LARGE1: variants seen among roughly 807,000 people sequenced by gnomAD.
The protein encoded by LARGE1 is LARGE xylosyl- and glucuronyltransferase 1, also known as xylosyl- and glucuronyltransferase LARGE1.
Under a neutral mutation model 87.6 loss-of-function variants are expected in LARGE1, and 43 were observed. The ratio of observed to expected loss-of-function variants is 0.49; its 90% CI spans 0.38 to 0.63. LARGE1 has a LOEUF of 0.63. Ranked by LOEUF, LARGE1 falls within the 30% of genes least tolerant of loss-of-function variation. The pLI is 0.00. For missense variants in LARGE1, 802 were observed against 1,000.2 expected, an observed-to-expected ratio of 0.80 and a Z score of 2.67; for synonymous variants, 434 against 394.6, an observed-to-expected ratio of 1.10 and a Z score of -1.18.
At chr22:33,405,382 C>T (rs967909957) in intron 7 of LARGE1, among the ~76,000 whole-genome samples, 1 of 152,202 alleles carries the variant, frequency 6.6e-6, no homozygotes, top group Non-Finnish European at 1.5e-5. Flanking sequence ...CATTCTTGTT[C>T]TCTGGCCAAG....
exon 12 of LARGE1, chr22:33,166,785 G>A (rs1327830906): frequency 2.1e-6 from 1 of 471,590 alleles, no homozygotes; most frequent in South Asian, 1.5e-5. Flanking sequence ...GTTTGGAACT[G>A]TCGTCTTGCA....
intron 7 of LARGE1, among the ~76,000 whole-genome samples, chr22:33,388,403 T>C (rs1204468609): frequency 1.3e-5 from 2 of 152,238 alleles, no homozygotes; most frequent in African/African-American, 2.4e-5. Context: ...TCTCTTACAG[T>C]CAGCCATTAC....
At chr22:33,455,613 G>A (rs373878740) in intron 6 of LARGE1, among the ~76,000 whole-genome samples, 1 of 152,008 alleles carries the variant, frequency 6.6e-6, no homozygotes, top group East Asian at 1.9e-4. Flanking sequence ...AATTAGCCGG[G>A]CATGGTGGTG....
intron 9 of LARGE1, among the ~76,000 whole-genome samples, chr22:33,363,488 G>T (rs1423746634): frequency 6.7e-6 from 1 of 149,088 alleles, no homozygotes; most frequent in Non-Finnish European, 1.5e-5. Context: ...AACAGTATGG[G>T]GAAAATCACC....
chr22:33,200,918 A>G (rs997332921), intron 11 of LARGE1, among the ~76,000 whole-genome samples: 3 of 152,194 alleles, frequency 2.0e-5, no homozygotes, highest in African/African-American at 7.2e-5. Context: ...AATATCCTAA[A>G]AAATCACTGA....
chr22:33,199,235 C>T (rs137441), intron 11 of LARGE1, among the ~76,000 whole-genome samples: 50,792 of 150,908 alleles, frequency 0.34, 8,955 homozygotes, highest in Non-Finnish European at 0.39. Context: ...GTTGTTTGAG[C>T]TCCTTGTAGA....
chr22:33,597,085 G>A (rs1334194656), intron 5 of LARGE1, among the ~76,000 whole-genome samples: 1 of 152,088 alleles, frequency 6.6e-6, no homozygotes, highest in Non-Finnish European at 1.5e-5. Flanking sequence ...CACTGGAGCT[G>A]CTCCAGCCTT....
At chr22:33,691,605 G>A (rs577909320) in intron 2 of LARGE1, among the ~76,000 whole-genome samples, 19 of 152,230 alleles carry the variant, frequency 1.2e-4, no homozygotes, top group African/African-American at 2.4e-4. Flanking sequence ...ACATCTCTAC[G>A]CAGGTTCAGA....
intron 5 of LARGE1, among the ~76,000 whole-genome samples, chr22:33,571,422 A>G (rs1374851747): frequency 3.9e-5 from 6 of 152,190 alleles, no homozygotes; most frequent in Non-Finnish European, 8.8e-5. Flanking sequence ...AGAGAGCTGG[A>G]CAGTGGACAC....
intron 2 of LARGE1, among the ~76,000 whole-genome samples, chr22:33,675,280 GC>G (rs1300577286): frequency 2.1e-5 from 1 of 47,366 alleles, no homozygotes; most frequent in African/African-American, 7.4e-5. Flanking sequence ...GGCAACAAGA[GC>G]GAAACTCCAT....
intron 2 of LARGE1, among the ~76,000 whole-genome samples, chr22:33,699,947 C>A (rs1422712951): frequency 6.6e-6 from 1 of 152,100 alleles, no homozygotes; most frequent in Non-Finnish European, 1.5e-5. Context: ...TATTTAATTC[C>A]CATGTCTATT....
At chr22:33,075,470 G>A in the LARGE1 span, among the ~76,000 whole-genome samples, 3 of 152,196 alleles carry the variant, frequency 2.0e-5, no homozygotes, top group African/African-American at 7.2e-5. Flanking sequence ...ACACCATGTG[G>A]TGAGAAATTG....
chr22:33,338,916 G>A (rs1938811415), intron 9 of LARGE1, among the ~76,000 whole-genome samples: 1 of 152,158 alleles, frequency 6.6e-6, no homozygotes, highest in African/African-American at 2.4e-5. Context: ...GGGAGGCTGA[G>A]GTGGGCAGAT....
chr22:33,378,832 A>G (rs1466198680), intron 9 of LARGE1, among the ~76,000 whole-genome samples: 2 of 152,224 alleles, frequency 1.3e-5, no homozygotes, highest in Non-Finnish European at 2.9e-5. Context: ...GTCCTCTGAC[A>G]GATTTGCTGT....
chr22:33,891,531 T>C (rs1030992027), intron 1 of LARGE1, among the ~76,000 whole-genome samples: 1 of 152,128 alleles, frequency 6.6e-6, no homozygotes, highest in African/African-American at 2.4e-5. Flanking sequence ...ACTGCATGAC[T>C]TTAGCAAGTA....
At chr22:33,196,176 A>C (rs1274801815) in intron 11 of LARGE1, among the ~76,000 whole-genome samples, 1 of 152,046 alleles carries the variant, frequency 6.6e-6, no homozygotes, top group Non-Finnish European at 1.5e-5. Flanking sequence ...AACAAACTGA[A>C]AAAGAGAGAA....
At chr22:33,784,158 T>G (rs2085522393) in intron 1 of LARGE1, among the ~76,000 whole-genome samples, 1 of 152,212 alleles carries the variant, frequency 6.6e-6, no homozygotes, top group Non-Finnish European at 1.5e-5. Context: ...GTTTAACAAC[T>G]GCAACAATTG....
intron 7 of LARGE1, among the ~76,000 whole-genome samples, chr22:33,404,510 T>C (rs963945686): frequency 3.3e-5 from 5 of 152,118 alleles, no homozygotes; most frequent in Admixed American, 6.5e-5. Context: ...CAGTAATCCT[T>C]GGGGTCTGAA....
At chr22:33,809,142 G>A (rs1192639812) in intron 1 of LARGE1, among the ~76,000 whole-genome samples, 9 of 151,910 alleles carry the variant, frequency 5.9e-5, no homozygotes. Context: ...CGTGGTAGTG[G>A]GTGCCTGTAA....
Sources: gnomAD v4.1 joint callset for allele counts (sites outside exome capture counted in the v4.1 genomes callset) on GRCh38, gnomAD v4.1.1 for gene constraint, MANE v1.5 for transcripts, NCBI Gene and HGNC (gene_info 2026-07-23, HGNC 2026-07-21) for gene names.